Variants in ESRRG observed in about 807,000 individuals in gnomAD.
ESRRG encodes estrogen related receptor gamma, also known as estrogen-related receptor gamma.
In ESRRG, 13 loss-of-function variants were observed where a neutral mutation model predicts 44.0. The ratio of observed to expected loss-of-function variants is 0.30; its 90% CI spans 0.19 to 0.47. The LOEUF (loss-of-function observed/expected upper bound fraction) is 0.47. ESRRG is among the 20% of genes least tolerant of loss of function. The pLI, the probability that ESRRG is intolerant of heterozygous loss-of-function variation, is 1.00. For missense variants in ESRRG, 395 were observed against 580.6 expected (o/e 0.68, Z 3.29); for synonymous variants, 215 against 214.6 (o/e 1.00, Z -0.02).
intron 1 of ESRRG, among the ~76,000 whole-genome samples, chr1:217,110,016 C>T (rs188633632): frequency 2.0e-4 from 30 of 152,250 alleles, no homozygotes; most frequent in African/African-American, 7.2e-4. Flanking sequence ...AGCCCATCTG[C>T]CTTGATTTGT....
chr1:217,008,880 A>G (rs187181207), intron 1 of ESRRG, among the ~76,000 whole-genome samples: 201 of 152,314 alleles, frequency 1.3e-3, no homozygotes, highest in African/African-American at 4.4e-3. Context: ...ACCAAAAACC[A>G]GGTATATTCT....
chr1:216,780,024 C>A (rs1490166943), intron 2 of ESRRG, among the ~76,000 whole-genome samples: 2 of 151,716 alleles, frequency 1.3e-5, no homozygotes, highest in African/African-American at 4.8e-5. Context: ...TCTACATAAA[C>A]TCATTCAGGA....
intron 2 of ESRRG, among the ~76,000 whole-genome samples, chr1:216,816,548 C>A (rs1230937600): frequency 6.6e-6 from 1 of 152,168 alleles, no homozygotes; most frequent in Non-Finnish European, 1.5e-5. Context: ...AAAAGAATCA[C>A]ACTCTAAGAA....
At chr1:216,542,039 T>C (rs2052984108) in intron 5 of ESRRG, among the ~76,000 whole-genome samples, 1 of 150,306 alleles carries the variant, frequency 6.7e-6, no homozygotes, top group Non-Finnish European at 1.5e-5. Flanking sequence ...ATGGATATAC[T>C]ACATTCTGTG....
chr1:216,829,249 A>G (rs558547671), intron 2 of ESRRG, among the ~76,000 whole-genome samples: 25 of 152,076 alleles, frequency 1.6e-4, no homozygotes, highest in Admixed American at 3.9e-4. Flanking sequence ...GTGTGTATGA[A>G]CATACACACA....
Position 216,914,694 on chromosome 1 carries a change from G to A in ESRRG, c.-14+24888C>T, listed in dbSNP as rs894667475. 4.2e-4 allele frequency among the ~76,000 whole-genome samples: 64 copies of A among 152,250 alleles called. 1 individual carries two copies. Among genetic ancestry groups the A allele is most frequent in the Middle Eastern group, 3.4e-3 (1 of 294 alleles). On this transcript the variant is annotated intron_variant, in intron 2 of 7. Transcript: ENST00000359162. ...ATACCTCCTCTGCCAAGCCAGTAGC[G>A]TACCTGATGCCAGTGTTCCTGATGC...
chr1:216,690,032 T>C (rs1453000134), intron 1 of ESRRG, among the ~76,000 whole-genome samples: 1 of 151,852 alleles, frequency 6.6e-6, no homozygotes, highest in African/African-American at 2.4e-5. Context: ...GGTATAAAAT[T>C]GGAAAAAAAA....
intron 2 of ESRRG, among the ~76,000 whole-genome samples, chr1:216,826,624 C>T (rs996111666): frequency 1.3e-5 from 2 of 151,920 alleles, no homozygotes; most frequent in Admixed American, 6.6e-5. Context: ...ACTAATAAGC[C>T]TTGGAGGTGA....
chr1:216,819,572 T>C (rs1446617993), intron 2 of ESRRG, among the ~76,000 whole-genome samples: 7 of 152,202 alleles, frequency 4.6e-5, no homozygotes, highest in Non-Finnish European at 7.3e-5. Context: ...AGTCTTTTTT[T>C]CCATTATTTT....
At chr1:217,017,831 A>G (rs142523742) in intron 1 of ESRRG, among the ~76,000 whole-genome samples, 1 of 152,318 alleles carries the variant, frequency 6.6e-6, no homozygotes, top group African/African-American at 2.4e-5. Flanking sequence ...AACAGCAATA[A>G]CCAAAGGCAC....
chr1:216,824,241 G>A (rs2095352100), intron 2 of ESRRG, among the ~76,000 whole-genome samples: 1 of 152,110 alleles, frequency 6.6e-6, no homozygotes, highest in Non-Finnish European at 1.5e-5. Flanking sequence ...GAGGTCAGGA[G>A]TTTGAGACCA....
chr1:216,781,142 A>C (rs770896481), intron 2 of ESRRG, among the ~76,000 whole-genome samples: 5 of 152,030 alleles, frequency 3.3e-5, no homozygotes, highest in Non-Finnish European at 4.4e-5. Context: ...ATAGAAGATG[A>C]TAGTATATAT....
chr1:216,571,240 C>T (rs1048492620), intron 3 of ESRRG, among the ~76,000 whole-genome samples: 16 of 152,004 alleles, frequency 1.1e-4, no homozygotes, highest in Admixed American at 2.0e-4. Flanking sequence ...GTCAGGAGTT[C>T]GAGACCAGCC....
At chr1:217,096,239 G>GAGAT (rs1175710038) in intron 1 of ESRRG, among the ~76,000 whole-genome samples, 1 of 152,108 alleles carries the variant, frequency 6.6e-6, no homozygotes, top group Non-Finnish European at 1.5e-5. Flanking sequence ...TTTTCCATTT[G>GAGAT]AGATAGCGCA....
At chr1:216,935,415 G>C (rs890416125) in intron 2 of ESRRG, among the ~76,000 whole-genome samples, 2 of 152,136 alleles carry the variant, frequency 1.3e-5, no homozygotes, top group African/African-American at 4.8e-5. Context: ...ACACTTGCTT[G>C]TACTGGTTTA....
chr1:216,835,722 G>A (rs2095554641), intron 2 of ESRRG, among the ~76,000 whole-genome samples: 1 of 152,174 alleles, frequency 6.6e-6, no homozygotes, highest in South Asian at 2.1e-4. Flanking sequence ...CCAATGAAGT[G>A]GGTGACGACT....
At chr1:216,615,199 T>C (rs1008750777) in intron 3 of ESRRG, among the ~76,000 whole-genome samples, 6 of 152,168 alleles carry the variant, frequency 3.9e-5, no homozygotes, top group African/African-American at 1.2e-4. Context: ...GAGGAGCTTT[T>C]TCAAAAGACT....
At chr1:216,624,252 G>T (rs2062782962) in intron 3 of ESRRG, among the ~76,000 whole-genome samples, 1 of 152,172 alleles carries the variant, frequency 6.6e-6, no homozygotes, top group Non-Finnish European at 1.5e-5. Context: ...CAGCAATACT[G>T]TGAGTTTCTG....
intron 3 of ESRRG, among the ~76,000 whole-genome samples, chr1:216,575,302 T>C (rs1292279309): frequency 2.0e-5 from 3 of 152,242 alleles, no homozygotes; most frequent in Non-Finnish European, 1.5e-5. Flanking sequence ...TCTCTAACTA[T>C]ATTGCCTGTT....
Sources: gnomAD v4.1 joint callset for allele counts (sites outside exome capture counted in the v4.1 genomes callset) on GRCh38, gnomAD v4.1.1 for gene constraint, MANE v1.5 for transcripts, NCBI Gene and HGNC (gene_info 2026-07-23, HGNC 2026-07-21) for gene names.